Variants in CSMD1 observed in about 807,000 individuals in gnomAD.
CSMD1 encodes CUB and Sushi multiple domains 1.
Under a neutral mutation model 417.5 loss-of-function variants are expected in CSMD1, and 213 were observed. The observed-to-expected ratio is 0.51, with a 90% CI of 0.46 to 0.57. CSMD1 has a LOEUF of 0.57. Ranked by LOEUF, CSMD1 falls within the 20% of genes least tolerant of loss-of-function variation. CSMD1 has a pLI of 0.00. For synonymous variants in CSMD1, 2,862 were observed against 1,736.8 expected (o/e 1.65, Z -16.11); for missense variants, 6,923 against 4,529.7 (o/e 1.53, Z -15.17).
intron 18 of CSMD1, chr8:3,373,591 T>A (rs1585070350): frequency 6.6e-6 from 1 of 152,184 alleles, no homozygotes; most frequent in African/African-American, 2.4e-5. Flanking sequence ...GAATTACATT[T>A]TAGTGTCTAT....
Position 3,363,598 on chromosome 8 carries a change from G to A in CSMD1, c.3115+3434C>T, listed in dbSNP as rs143563700. On this transcript the variant is annotated intron_variant, in intron 20 of 69. Transcript: ENST00000635120. ...GCTGGAGTGCAGTGGCGCGATCTCCGCTCACTGCAAGCTCCGCTTCCCGGG... is the reference window on the plus strand; with the variant it reads ...GCTGGAGTGCAGTGGCGCGATCTCCACTCACTGCAAGCTCCGCTTCCCGGG... 2.6e-3 allele frequency among the ~76,000 whole-genome samples: 393 copies of A among 152,118 alleles called. 3 individuals carry two copies. Among genetic ancestry groups the A allele is most frequent in the African/African-American group, 8.7e-3 (362 of 41,482 alleles).
At position 4,881,154 on chromosome 8, in the gene CSMD1, C is replaced by T. The variant is rs551835473; in HGVS notation, c.85+113178G>A. On this transcript the variant is annotated intron_variant, in intron 1 of 69. Coordinates refer to ENST00000635120, the MANE Select transcript of CSMD1 (RefSeq NM_033225.6). ...ATAATCTTGATTTAATCATATTTCA[C>T]TTTGAGTTTCTAGATTTAGCAGTTT... 3.3e-5 allele frequency among the ~76,000 whole-genome samples: 5 copies of T among 152,124 alleles called. No individual in the cohort carries two copies. In the South Asian group the frequency reaches 1.0e-3, roughly 32 times the overall value.
chr8:4,236,608 C>T (rs1714687), intron 3 of CSMD1, among the ~76,000 whole-genome samples: 1 of 151,940 alleles, frequency 6.6e-6, no homozygotes, highest in Non-Finnish European at 1.5e-5. Context: ...AGCTTAGGTT[C>T]TAAACCTACC....
chr8:3,744,468 T>C (rs963675558), intron 6 of CSMD1, among the ~76,000 whole-genome samples: 1 of 151,232 alleles, frequency 6.6e-6, no homozygotes, highest in Non-Finnish European at 1.5e-5. Context: ...AGATTTTAAC[T>C]AGGACTTCTA....
intron 7 of CSMD1, among the ~76,000 whole-genome samples, chr8:3,666,945 G>T (rs1018792447): frequency 6.6e-6 from 1 of 152,152 alleles, no homozygotes; most frequent in African/African-American, 2.4e-5. Context: ...AAGAGATAGA[G>T]AAATAAAAGC....
At chr8:4,068,410 A>G (rs1037466801) in intron 3 of CSMD1, among the ~76,000 whole-genome samples, 2 of 152,176 alleles carry the variant, frequency 1.3e-5, no homozygotes, top group Admixed American at 6.5e-5. Context: ...CTGGGGAGAG[A>G]CATGAAAAGC....
chr8:3,463,620 C>A (rs141707679), intron 12 of CSMD1, among the ~76,000 whole-genome samples: 5 of 152,234 alleles, frequency 3.3e-5, no homozygotes, highest in Non-Finnish European at 7.3e-5. Context: ...GACCAGTGAG[C>A]TGTCCTCGGT....
At position 3,072,577 on chromosome 8, in the gene CSMD1, T is replaced by G. The variant is rs146179414; in HGVS notation, c.7474+14520A>C. On this transcript the variant is annotated intron_variant, in intron 49 of 69. Coordinates refer to ENST00000635120, the MANE Select transcript of CSMD1 (RefSeq NM_033225.6). Reference sequence around the variant, plus strand: ...GTAGGTGTTTATGTGCATGTGTGCCTGGGTTTCCAGCCCAAATTAAAGAGC... The same window carrying G: ...GTAGGTGTTTATGTGCATGTGTGCCGGGGTTTCCAGCCCAAATTAAAGAGC... Among the ~76,000 whole-genome samples the G allele has an allele frequency of 7.4e-3, 1,123 of 152,344 alleles. 15 individuals carry two copies. Among genetic ancestry groups the G allele is most frequent in the African/African-American group, 0.025 (1,052 of 41,582 alleles).
intron 7 of CSMD1, among the ~76,000 whole-genome samples, chr8:3,687,325 T>C (rs553768295): frequency 6.6e-6 from 1 of 152,198 alleles, no homozygotes; most frequent in Non-Finnish European, 1.5e-5. Context: ...ATCTGCTCCA[T>C]GTAAGGCTGC....
intron 4 of CSMD1, among the ~76,000 whole-genome samples, chr8:4,011,424 C>A (rs1219943810): frequency 2.6e-5 from 4 of 152,126 alleles, no homozygotes; most frequent in Admixed American, 6.5e-5. Flanking sequence ...TCTGAAATTC[C>A]TTTCACTGCA....
intron 21 of CSMD1, among the ~76,000 whole-genome samples, chr8:3,354,951 A>C (rs1265332864): frequency 2.8e-5 from 2 of 72,648 alleles, no homozygotes; most frequent in East Asian, 9.4e-4. Flanking sequence ...ATAGAGAGAC[A>C]GAGAAAGAGA....
intron 7 of CSMD1, among the ~76,000 whole-genome samples, chr8:3,676,203 G>C (rs1263751398): frequency 6.6e-6 from 1 of 152,092 alleles, no homozygotes; most frequent in Non-Finnish European, 1.5e-5. Flanking sequence ...TGTCCATACT[G>C]CATTATGTGT....
intron 11 of CSMD1, among the ~76,000 whole-genome samples, chr8:3,483,616 G>C (rs947070209): frequency 3.3e-5 from 5 of 152,016 alleles, no homozygotes; most frequent in South Asian, 4.2e-4. Context: ...ATATTTTATA[G>C]CCATTATAAT....
intron 5 of CSMD1, among the ~76,000 whole-genome samples, chr8:3,980,689 G>T (rs1306859218): frequency 2.0e-5 from 3 of 152,108 alleles, no homozygotes; most frequent in Admixed American, 1.3e-4. Context: ...TTGAGAATCT[G>T]GAGAATTTAA....
chr8:4,120,524 T>C (rs914126118), intron 3 of CSMD1, among the ~76,000 whole-genome samples: 7 of 152,174 alleles, frequency 4.6e-5, no homozygotes, highest in African/African-American at 1.7e-4. Context: ...ATTTCTATAT[T>C]TGGCATCTTC....
At chr8:4,113,601 T>G (rs148474521) in intron 3 of CSMD1, among the ~76,000 whole-genome samples, 1 of 152,026 alleles carries the variant, frequency 6.6e-6, no homozygotes, top group Non-Finnish European at 1.5e-5. Flanking sequence ...AGACAGAGTT[T>G]CACTGTGTTA....
At chr8:3,212,831 C>CTTTTT (rs35152655) in intron 30 of CSMD1, among the ~76,000 whole-genome samples, 10 of 138,558 alleles carry the variant, frequency 7.2e-5, no homozygotes, top group Admixed American at 1.4e-4. Context: ...TTCTTATATA[C>CTTTTT]TTTTTTTTTT....
At chr8:4,981,900 C>G (rs1167207465) in intron 1 of CSMD1, among the ~76,000 whole-genome samples, 11 of 152,142 alleles carry the variant, frequency 7.2e-5, no homozygotes, top group Non-Finnish European at 1.6e-4. Flanking sequence ...CTCTCTCTCC[C>G]CCAACCCCAC....
At chr8:4,593,521 A>C (rs1585302176) in intron 2 of CSMD1, among the ~76,000 whole-genome samples, 1 of 152,190 alleles carries the variant, frequency 6.6e-6, no homozygotes, top group Non-Finnish European at 1.5e-5. Flanking sequence ...TTCAATTATA[A>C]ATAGCCCATA....
Sources: gnomAD v4.1 joint callset for allele counts (sites outside exome capture counted in the v4.1 genomes callset) on GRCh38, gnomAD v4.1.1 for gene constraint, MANE v1.5 for transcripts, NCBI Gene and HGNC (gene_info 2026-07-23, HGNC 2026-07-21) for gene names.